The following FAM193A variants were observed in gnomAD, a reference collection of about 807,000 sequenced individuals.
FAM193A encodes family with sequence similarity 193 member A.
FAM193A carries 22 observed loss-of-function variants against 126.5 expected under a neutral mutation model. The ratio of observed to expected loss-of-function variants is 0.17; its 90% CI spans 0.12 to 0.25. FAM193A has a LOEUF of 0.25. Ranked by LOEUF, FAM193A falls within the 10% of genes least tolerant of loss-of-function variation. FAM193A has a pLI of 1.00. For missense variants in FAM193A, 1,675 were observed against 1,672.8 expected (o/e 1.00, Z -0.02); for synonymous variants, 761 against 646.8 (o/e 1.18, Z -2.68).
intron 18 of FAM193A, among the ~76,000 whole-genome samples, chr4:2,699,447 C>CG: frequency 1.7e-5 from 1 of 57,144 alleles, no homozygotes; most frequent in Middle Eastern, 0.013. Context: ...CCCCCCCCCC[C>CG]ACACACACAC....
rs536490583 is a variant in FAM193A at position 2,681,220 on chromosome 4, CT to C, written c.2332-8276del. On this transcript the variant is annotated intron_variant, in intron 13 of 20. Transcript: ENST00000637812. ...CATTTCTGATTATAGTAATTTGAGT[CT>C]TTTTTTTTTCTTACTCCATCTCACT... Among the ~76,000 whole-genome samples the C allele has an allele frequency of 1.0e-2, 1,485 of 148,566 alleles. 9 individuals carry two copies. The highest frequency in any genetic ancestry group is 0.015 in the Non-Finnish European group (976 of 66,850).
intron 19 of FAM193A, among the ~76,000 whole-genome samples, chr4:2,703,217 G>T (rs576508493): frequency 2.0e-5 from 3 of 152,062 alleles, no homozygotes; most frequent in Admixed American, 2.0e-4. Context: ...TTGTGCGAGC[G>T]TTTAGGTTGT....
rs1047268229 is a variant in FAM193A, at chr4:2,732,057, T to C, written c.*189T>C. ...CGTTAGCTCGTGTGCGTGTAGTCTG[T>C]GCGTGAGACTCCTTCGATTGTAGCT... On this transcript the variant is annotated 3_prime_UTR_variant, in exon 21 of 21. Transcript: ENST00000637812. The C allele has an allele frequency of 1.2e-5, 7 of 604,302 alleles. No homozygotes were observed. The African/African-American group carries it at 1.3e-4, about 11-fold the overall frequency. The allele number at this position is 604,302 out of a possible 1,614,324, so 37.4% of individuals were successfully genotyped here. A position where few individuals can be genotyped will look rare whatever the true frequency, so the allele number is the denominator to read the frequency against.
At chr4:2,694,644 G>C (rs1467885136) in intron 16 of FAM193A, among the ~76,000 whole-genome samples, 1 of 152,164 alleles carries the variant, frequency 6.6e-6, no homozygotes, top group East Asian at 1.9e-4. Context: ...AAGCCCCTTA[G>C]TATGGAAGCT....
At chr4:2,559,981 G>C (rs534008332) in intron 1 of FAM193A, among the ~76,000 whole-genome samples, 1 of 149,716 alleles carries the variant, frequency 6.7e-6, no homozygotes, top group Admixed American at 6.6e-5. Flanking sequence ...TTTTTGAGAT[G>C]GAGTTTCACT....
intron 1 of FAM193A, among the ~76,000 whole-genome samples, chr4:2,577,895 T>A (rs1739699437): frequency 6.6e-6 from 1 of 152,224 alleles, no homozygotes; most frequent in Admixed American, 6.5e-5. Context: ...TAAAGTTTTG[T>A]TATACTGTAT....
chr4:2,585,730 G>A (rs186124893), intron 1 of FAM193A, among the ~76,000 whole-genome samples: 61 of 152,130 alleles, frequency 4.0e-4, no homozygotes, highest in Non-Finnish European at 6.5e-4. Context: ...CGTTCAAGAC[G>A]AGCCTGGCCA....
At position 2,565,254 on chromosome 4, in the gene FAM193A, CTTTTTT is replaced by C. The variant is rs71644338; in HGVS notation, c.255+28101_255+28106del. On this transcript the variant is annotated intron_variant, in intron 1 of 20. Coordinates refer to ENST00000637812, the MANE Select transcript of FAM193A (RefSeq NM_001366318.2). ...TGGATATACACAATGATAGAGTAGC[CTTTTTT>C]TTTTTTTTTTTTTTTTAAAAGATGC... 8.9e-3 allele frequency among the ~76,000 whole-genome samples: 450 copies of C among 50,700 alleles called. 3 individuals carry two copies. The highest frequency in any genetic ancestry group is 0.033 in the African/African-American group (391 of 11,864). 33.3% of individuals were successfully genotyped at this position (50,700 alleles called of 152,430 possible). A position where few individuals can be genotyped will look rare whatever the true frequency, so the allele number is the denominator to read the frequency against.
intron 3 of FAM193A, among the ~76,000 whole-genome samples, chr4:2,625,719 CTTTTTTTTTTTTT>C (rs35220520): frequency 1.5e-4 from 12 of 79,304 alleles, no homozygotes; most frequent in African/African-American, 3.1e-4. Context: ...TGGAGCTCAT[CTTTTTTTTTTTTT>C]TTTTTTTTTT....
chr4:2,635,812 A>G (rs909447790), intron 5 of FAM193A, among the ~76,000 whole-genome samples: 6 of 152,204 alleles, frequency 3.9e-5, no homozygotes, highest in Non-Finnish European at 8.8e-5. Flanking sequence ...TTTTGGGATT[A>G]TGGGCGTGAG....
intron 8 of FAM193A, among the ~76,000 whole-genome samples, chr4:2,659,116 C>A (rs1298634894): frequency 6.6e-6 from 1 of 152,120 alleles, no homozygotes; most frequent in Non-Finnish European, 1.5e-5. Flanking sequence ...GTCCAGAGTT[C>A]CTTCTCCTTT....
chr4:2,699,315 G>A (rs10007681), intron 18 of FAM193A, among the ~76,000 whole-genome samples: 1 of 152,118 alleles, frequency 6.6e-6, no homozygotes, highest in Non-Finnish European at 1.5e-5. Context: ...GCGGCATGAT[G>A]CCCTGCCGCA....
chr4:2,694,046 T>C, intron 16 of FAM193A, among the ~76,000 whole-genome samples, 172 bp downstream of exon 16: 1 of 152,134 alleles, frequency 6.6e-6, no homozygotes, highest in East Asian at 1.9e-4. Flanking sequence ...GGGGCTCCCA[T>C]CTCAGCCTGT....
intron 1 of FAM193A, among the ~76,000 whole-genome samples, chr4:2,565,341 C>T (rs1452781443): frequency 7.1e-6 from 1 of 139,882 alleles, no homozygotes; most frequent in East Asian, 2.3e-4. Flanking sequence ...TTTACTACAT[C>T]CTCTGCCTCC....
intron 2 of FAM193A, among the ~76,000 whole-genome samples, chr4:2,597,471 C>G (rs79166615): frequency 0.03 from 4,574 of 152,200 alleles, 243 homozygotes; most frequent in African/African-American, 0.1. Context: ...TGCCTCTGCC[C>G]TTGGGAACAG....
intron 18 of FAM193A, 31 bp from the exon 19 acceptor site, chr4:2,699,649 G>C: frequency 6.4e-7 from 1 of 1,565,954 alleles, no homozygotes; most frequent in Non-Finnish European, 8.6e-7. Flanking sequence ...ACTCACTGTA[G>C]TCTTAAATTG....
intron 19 of FAM193A, among the ~76,000 whole-genome samples, chr4:2,710,771 C>G (rs1718860191): frequency 6.6e-6 from 1 of 152,018 alleles, no homozygotes; most frequent in Non-Finnish European, 1.5e-5. Context: ...TCCCAAAGTG[C>G]TAGGATTACA....
intron 12 of FAM193A, 106 bp from the exon 13 acceptor site, chr4:2,672,015 C>T: frequency 7.8e-7 from 1 of 1,289,026 alleles, no homozygotes; most frequent in Non-Finnish European, 1.1e-6. Context: ...GAAAAGCCCA[C>T]TTACCTTTGT....
chr4:2,674,696 T>C (rs557992106), intron 13 of FAM193A, among the ~76,000 whole-genome samples: 2 of 152,230 alleles, frequency 1.3e-5, no homozygotes, highest in Non-Finnish European at 2.9e-5. Context: ...TTAGCATGGG[T>C]ACTATGAAAA....
Sources: gnomAD v4.1 joint callset for allele counts (sites outside exome capture counted in the v4.1 genomes callset) on GRCh38, gnomAD v4.1.1 for gene constraint, MANE v1.5 for transcripts, NCBI Gene and HGNC (gene_info 2026-07-23, HGNC 2026-07-21) for gene names.